Variants in NDUFAF7 observed in about 807,000 individuals in gnomAD.
NDUFAF7 encodes NADH:ubiquinone oxidoreductase complex assembly factor 7.
Under a neutral mutation model 47.2 loss-of-function variants are expected in NDUFAF7, and 48 were observed. The ratio of observed to expected loss-of-function variants is 1.02; its 90% CI spans 0.81 to 1.29. The LOEUF is 1.29. Among genes scored for constraint, NDUFAF7 ranks in the 50% most tolerant of loss-of-function variants. NDUFAF7 has a pLI of 0.00. For missense variants in NDUFAF7, 635 were observed against 537.6 expected, an observed-to-expected ratio of 1.18 and a Z score of -1.79; for synonymous variants, 217 against 190.0, an observed-to-expected ratio of 1.14 and a Z score of -1.17.
chr2:37,250,000 T>C (rs1005695545), downstream of NDUFAF7, among the ~76,000 whole-genome samples: 2 of 151,720 alleles, frequency 1.3e-5, no homozygotes, highest in South Asian at 2.1e-4. Flanking sequence ...AACACAAATA[T>C]GTAAGCTTTC....
chr2:37,262,370 T>C, the NDUFAF7 span, among the ~76,000 whole-genome samples: 1 of 152,230 alleles, frequency 6.6e-6, no homozygotes, highest in Admixed American at 6.5e-5. Context: ...CACAGATTGT[T>C]TCAGTTATTT....
chr2:37,247,481 A>G lies in NDUFAF7; in HGVS notation c.962A>G (p.Asp321Gly). Residue 321 changes from aspartate (D) to glycine (G), a missense_variant, in exon 9 of 10, where the codon GAT becomes GGT. Physicochemically the swap from Asp to Gly is moderately conservative, Grantham distance 94 (BLOSUM62 -1). Coordinates refer to ENST00000002125, the MANE Select transcript of NDUFAF7 (RefSeq NM_144736.5). ...GGGTTTTGCGACCACAAGCTTCATG[A>G]TGTCTTAATTGCCCCAGGAACAGCA... is the stretch of plus-strand genomic sequence containing the variant. ...FRGFCDHKLH[D>G]VLIAPGTADL... 3 of 1,614,048 alleles carry G rather than the reference A, an allele frequency of 1.9e-6. No individual in the cohort carries two copies. The highest frequency in any genetic ancestry group is 2.5e-6 in the Non-Finnish European group (3 of 1,179,952).
chr2:37,247,452 C>T lies in NDUFAF7; in HGVS notation c.937-4C>T. 1.2e-6 allele frequency: 2 copies of T among 1,613,878 alleles called. No individual in the cohort carries two copies. The highest frequency in any genetic ancestry group is 8.5e-7 in the Non-Finnish European group (1 of 1,179,884). ...GGCAAAAATCTGATTTCTTTATGTT[C>T]AAGGGGTTTTGCGACCACAAGCTTC... On this transcript the variant is annotated splice_region_variant and splice_polypyrimidine_tract_variant and intron_variant, in intron 8 of 9. Transcript: ENST00000002125.
chr2:37,256,627 AATTTTTTTTTTTTTT>A, downstream of NDUFAF7: 2 of 1,247,362 alleles, frequency 1.6e-6, no homozygotes, highest in South Asian at 1.5e-5. Flanking sequence ...ACATAGCCAA[AATTTTTTTTTTTTTT>A]TTTTTTTTTT....
rs374735256 is a variant in NDUFAF7 at position 37,248,378 on chromosome 2, A to G, written c.*28A>G. 3.8e-6 allele frequency: 6 copies of G among 1,583,092 alleles called. No individual in the cohort carries two copies. Among genetic ancestry groups the G allele is most frequent in the Non-Finnish European group, 4.3e-6 (5 of 1,151,978 alleles). ...TTTCAGCTTGGACATTTTACCCTTCAGTCGGCCCAAGAAATCAAAATAAAG... is the reference window on the plus strand; with the variant it reads ...TTTCAGCTTGGACATTTTACCCTTCGGTCGGCCCAAGAAATCAAAATAAAG... On this transcript the variant is annotated 3_prime_UTR_variant, in exon 10 of 10. Coordinates refer to ENST00000002125, the MANE Select transcript of NDUFAF7 (RefSeq NM_144736.5).
chr2:37,267,533 T>G, the NDUFAF7 span: 1 of 1,599,432 alleles, frequency 6.3e-7, no homozygotes, highest in Non-Finnish European at 8.5e-7. Context: ...CTTTCTATGT[T>G]TTCCTATTAA....
the NDUFAF7 span, chr2:37,268,283 G>T: frequency 2.1e-6 from 1 of 469,364 alleles, no homozygotes; most frequent in Non-Finnish European, 4.4e-6. Context: ...TGCATTTTTG[G>T]TAAGAAGCCA....
chr2:37,248,060 A>T (rs1667110910), intron 9 of NDUFAF7, 75 bp from the exon 10 acceptor site: 20 of 1,146,928 alleles, frequency 1.7e-5, no homozygotes, highest in Non-Finnish European at 2.4e-5. Context: ...AATATTTGAG[A>T]GTCATTAGTA....
chr2:37,256,606 A>G, downstream of NDUFAF7: 2 of 1,436,144 alleles, frequency 1.4e-6, no homozygotes, highest in Non-Finnish European at 1.8e-6. Context: ...AAAGATGTTT[A>G]GGCTTAAAAC....
At chr2:37,267,982 A>G in the NDUFAF7 span, 1 of 187,138 alleles carries the variant, frequency 5.3e-6, no homozygotes, top group African/African-American at 2.4e-5. Context: ...TAAAAAATTT[A>G]TATTTGTCTC....
chr2:37,235,299 A>T (rs182196335), intron 2 of NDUFAF7, among the ~76,000 whole-genome samples: 84 of 152,330 alleles, frequency 5.5e-4, no homozygotes, highest in African/African-American at 1.9e-3. Context: ...TATAATATTC[A>T]TATAGAAAAG....
chr2:37,248,025 C>T (rs1667108885), intron 9 of NDUFAF7, 110 bp from the exon 10 acceptor site: 1 of 894,924 alleles, frequency 1.1e-6, no homozygotes, highest in Non-Finnish European at 1.8e-6. Flanking sequence ...AATCAGAAGT[C>T]ACATTTTGAG....
At chr2:37,258,348 G>T (rs552143102), downstream of NDUFAF7, among the ~76,000 whole-genome samples, 26 of 152,278 alleles carry the variant, frequency 1.7e-4, no homozygotes, top group African/African-American at 5.5e-4. Context: ...TGAGCCTGAA[G>T]AAATACAAAC....
chr2:37,253,083 C>T (rs1667643294), downstream of NDUFAF7: 4 of 1,263,040 alleles, frequency 3.2e-6, no homozygotes, highest in South Asian at 3.1e-5. Flanking sequence ...CATATCTTTG[C>T]AGCACTGCAG....
At chr2:37,268,515 G>T in the NDUFAF7 span, 1 of 348,200 alleles carries the variant, frequency 2.9e-6, no homozygotes. Flanking sequence ...AAAGTTCAGT[G>T]GGAAGACAAT....
In NDUFAF7 at chr2:37,241,661, T is replaced by A; in HGVS notation, c.492T>A (p.Ile164=). Residue 164 remains isoleucine, a synonymous_variant, in exon 5 of 10, where the codon ATT becomes ATA. Coordinates refer to ENST00000002125, the MANE Select transcript of NDUFAF7 (RefSeq NM_144736.5). ...LVEVSQKLSE[I]QALTLTKEKV... Reference sequence around the variant, plus strand: ...AGGTAAGCCAAAAATTAAGTGAGATTCAAGCATTGACACTGACTAAAGAGA... The same window carrying A: ...AGGTAAGCCAAAAATTAAGTGAGATACAAGCATTGACACTGACTAAAGAGA... 1 of 1,614,022 alleles carries A rather than the reference T, an allele frequency of 6.2e-7. No homozygotes were observed. The highest frequency in any genetic ancestry group is 8.5e-7 in the Non-Finnish European group (1 of 1,179,998).
At chr2:37,256,631 T>A (rs745513406), downstream of NDUFAF7, 6,226 of 80,910 alleles carry the variant, frequency 0.077, 109 homozygotes, top group African/African-American at 0.29. Context: ...AGCCAAAATT[T>A]TTTTTTTTTT....
At chr2:37,260,417 T>TTG in the NDUFAF7 span, 1 of 1,568,486 alleles carries the variant, frequency 6.4e-7, no homozygotes, top group African/African-American at 1.4e-5. Context: ...ATGAGCAACT[T>TTG]AAGCAGAGAA....
chr2:37,263,929 C>T, the NDUFAF7 span, among the ~76,000 whole-genome samples: 5 of 152,156 alleles, frequency 3.3e-5, no homozygotes, highest in African/African-American at 1.2e-4. Flanking sequence ...GCTGAATTTA[C>T]ACCACAATGT....
Sources: gnomAD v4.1 joint callset for allele counts (sites outside exome capture counted in the v4.1 genomes callset) on GRCh38, gnomAD v4.1.1 for gene constraint, MANE v1.5 for transcripts, NCBI Gene and HGNC (gene_info 2026-07-23, HGNC 2026-07-21) for gene names.